Variants in MAST1 observed in about 807,000 individuals in gnomAD.
The protein encoded by MAST1 is microtubule associated serine/threonine kinase 1, also known as microtubule-associated serine/threonine-protein kinase 1.
A neutral mutation model predicts 124.6 loss-of-function variants in MAST1; 40 were observed. The ratio of observed to expected loss-of-function variants is 0.32; its 90% CI spans 0.25 to 0.42. MAST1 has a LOEUF of 0.42. MAST1 is among the 10% of genes least tolerant of loss of function. The probability of loss-of-function intolerance (pLI) is 1.00; values close to 1 mark genes in which losing one functional copy is unlikely to be tolerated. For synonymous variants in MAST1, 938 were observed against 939.4 expected (o/e 1.00, Z 0.03); for missense variants, 1,558 against 2,181.9 (o/e 0.71, Z 5.70).
At position 12,838,717 on chromosome 19, in the gene MAST1, A is replaced by G. The variant is rs1969790251; in HGVS notation, c.83+62A>G. 1 of 1,495,982 alleles carries G rather than the reference A, an allele frequency of 6.7e-7. No homozygotes were observed. The highest frequency in any genetic ancestry group is 9.2e-7 in the Non-Finnish European group (1 of 1,087,588). The allele number at this position is 1,495,982 out of a possible 1,614,324, so 92.7% of individuals were successfully genotyped here. A position where few individuals can be genotyped will look rare whatever the true frequency, so the allele number is the denominator to read the frequency against. Reference sequence around the variant, plus strand: ...CCCCGCAAAAGCCGCCGCTCCGGGTACTGCTGCAGGGCGGGGCCCGGGATG... The same window carrying G: ...CCCCGCAAAAGCCGCCGCTCCGGGTGCTGCTGCAGGGCGGGGCCCGGGATG... On this transcript the variant is annotated intron_variant, in intron 1 of 25. Coordinates refer to ENST00000251472, the MANE Select transcript of MAST1 (RefSeq NM_014975.3). This position sits in a 1 kb window ranked among gnomAD's most constrained non-coding sequence, Gnocchi z 4.3.
chr19:12,845,088 G>C (rs952295989), intron 4 of MAST1, among the ~76,000 whole-genome samples: 2 of 152,096 alleles, frequency 1.3e-5, no homozygotes, highest in African/African-American at 4.8e-5. Flanking sequence ...GATCATTTGA[G>C]GTCAGGAGTT....
At position 12,852,155 on chromosome 19, in the gene MAST1, C is replaced by T; in HGVS notation, c.917C>T (p.Ala306Val). 1 of 1,613,966 alleles carries T rather than the reference C, an allele frequency of 6.2e-7. No homozygotes were observed. Among genetic ancestry groups the T allele is most frequent in the Non-Finnish European group, 8.5e-7 (1 of 1,179,988 alleles). Residue 306 changes from alanine (A) to valine (V), a missense_variant, in exon 9 of 26, where the codon GCC becomes GTC. Coordinates refer to ENST00000251472, the MANE Select transcript of MAST1 (RefSeq NM_014975.3). The stretch of plus-strand genomic sequence containing the variant: ...GAGTTCTACCACCTGCTGGAGGCGG[C>T]CGAAGGACACGCCAAGGAGGGCCAC... ...PEEFYHLLEA[A>V]EGHAKEGHLV...
At chr19:12,844,404 G>T (rs1442982293) in intron 4 of MAST1, among the ~76,000 whole-genome samples, 1 of 152,186 alleles carries the variant, frequency 6.6e-6, no homozygotes, top group Non-Finnish European at 1.5e-5. Context: ...CTGCAAGCTG[G>T]GCCAGAGTGT....
Position 12,847,824 on chromosome 19 carries a change from G to C in MAST1, c.565-24G>C. ...CCGCAGCCTTCGGGCACAGCCCCGCGCCCCTCCTCCGTCCCTCCCGCAGGC... is the reference window on the plus strand; with the variant it reads ...CCGCAGCCTTCGGGCACAGCCCCGCCCCCCTCCTCCGTCCCTCCCGCAGGC... On this transcript the variant is annotated intron_variant, in intron 6 of 25. Coordinates refer to ENST00000251472, the MANE Select transcript of MAST1 (RefSeq NM_014975.3). The surrounding 1 kb of genome is among the most constrained non-coding windows in gnomAD (Gnocchi z 5.5). 6.3e-7 allele frequency: 1 copy of C among 1,596,510 alleles called. No homozygotes were observed. Among genetic ancestry groups the C allele is most frequent in the Non-Finnish European group, 8.5e-7 (1 of 1,171,146 alleles).
chr19:12,863,923 A>ACTT (rs1427700693), intron 12 of MAST1, among the ~76,000 whole-genome samples: 1 of 130,538 alleles, frequency 7.7e-6, no homozygotes, highest in East Asian at 2.8e-4. Flanking sequence ...TCTACAAAAA[A>ACTT]CTTTTTTTTT....
Position 12,838,792 on chromosome 19 carries a change from C to T in MAST1, c.83+137C>T. 1.8e-6 allele frequency: 1 copy of T among 551,038 alleles called. No homozygotes were observed. Among genetic ancestry groups the T allele is most frequent in the South Asian group, 2.5e-5 (1 of 40,494 alleles). The allele number at this position is 551,038 out of a possible 1,614,324, so 34.1% of individuals were successfully genotyped here. ...AGGTGCCCCAGCTGCGCCTTCCCGCCGGGGTTGGGGTTGAATGGGGGGTGG... is the reference window on the plus strand; with the variant it reads ...AGGTGCCCCAGCTGCGCCTTCCCGCTGGGGTTGGGGTTGAATGGGGGGTGG... On this transcript the variant is annotated intron_variant, in intron 1 of 25. Coordinates refer to ENST00000251472, the MANE Select transcript of MAST1 (RefSeq NM_014975.3). This position sits in a 1 kb window ranked among gnomAD's most constrained non-coding sequence, Gnocchi z 4.3.
intron 12 of MAST1, among the ~76,000 whole-genome samples, chr19:12,863,233 G>A (rs1002681345): frequency 3.3e-5 from 5 of 151,288 alleles, no homozygotes; most frequent in East Asian, 3.9e-4. Flanking sequence ...CTTGTGGAGA[G>A]AGCAGAATCA....
chr19:12,849,722 G>A (rs1218552200), intron 7 of MAST1, among the ~76,000 whole-genome samples: 2 of 152,010 alleles, frequency 1.3e-5, no homozygotes, highest in Admixed American at 6.6e-5. Context: ...CACACCTGCT[G>A]TCCCAGCTAC....
intron 1 of MAST1, 54 bp from the exon 2 acceptor site, chr19:12,840,392 A>G: frequency 1.7e-6 from 2 of 1,177,158 alleles, no homozygotes; most frequent in Non-Finnish European, 2.5e-6. Context: ...GTGGGGCTCA[A>G]GAACTCACTG....
At chr19:12,864,996 G>A (rs1261507073) in intron 13 of MAST1, 49 bp downstream of exon 13, 1 of 1,613,666 alleles carries the variant, frequency 6.2e-7, no homozygotes, top group Admixed American at 1.7e-5. Context: ...GGGAGGCCAG[G>A]AGGCAGAATG....
chr19:12,865,635 C>T lies in MAST1; in HGVS notation c.1805-82C>T. Reference sequence around the variant, plus strand: ...TGAGCCATGATCGTGCCACTGCACTCCAGCTGGGTGACACAGTGAGATCCT... The same window carrying T: ...TGAGCCATGATCGTGCCACTGCACTTCAGCTGGGTGACACAGTGAGATCCT... On this transcript the variant is annotated intron_variant, in intron 15 of 25. Transcript: ENST00000251472. The surrounding 1 kb of genome is among the most constrained non-coding windows in gnomAD (Gnocchi z 7.1). 1.4e-6 allele frequency: 2 copies of T among 1,453,274 alleles called. No homozygotes were observed. The highest frequency in any genetic ancestry group is 4.6e-5 in the East Asian group (2 of 43,786). The allele number at this position is 1,453,274 out of a possible 1,614,324, so 90.0% of individuals were successfully genotyped here.
At position 12,866,579 on chromosome 19, in the gene MAST1, G is replaced by C; in HGVS notation, c.2030-74G>C. On this transcript the variant is annotated intron_variant, in intron 17 of 25. Coordinates refer to ENST00000251472, the MANE Select transcript of MAST1 (RefSeq NM_014975.3). The surrounding 1 kb of genome is among the most constrained non-coding windows in gnomAD (Gnocchi z 5.2). Reference sequence around the variant, plus strand: ...GACTTGTAAACCCGTCTTGAACCAGGACTGGGCTCCTGTGGGGATGTGATA... The same window carrying C: ...GACTTGTAAACCCGTCTTGAACCAGCACTGGGCTCCTGTGGGGATGTGATA... 1.0e-6 allele frequency: 1 copy of C among 956,330 alleles called. No individual in the cohort carries two copies. Among genetic ancestry groups the C allele is most frequent in the Non-Finnish European group, 1.7e-6 (1 of 604,516 alleles). 59.2% of individuals were successfully genotyped at this position (956,330 alleles called of 1,614,324 possible).
chr19:12,861,283 T>G (rs1970079474), intron 12 of MAST1, among the ~76,000 whole-genome samples: 1 of 151,342 alleles, frequency 6.6e-6, no homozygotes, highest in Admixed American at 6.6e-5. Context: ...AGGCTGGTCT[T>G]GAACTCCTGA....
intron 24 of MAST1, 154 bp from the exon 25 acceptor site, chr19:12,873,170 C>G (rs1970259706): frequency 1.4e-6 from 1 of 700,256 alleles, no homozygotes; most frequent in Non-Finnish European, 2.4e-6. Flanking sequence ...CAGCACTGAG[C>G]TAAAGGAAGT....
At chr19:12,855,062 C>G (rs532830741) in intron 10 of MAST1, among the ~76,000 whole-genome samples, 2 of 152,090 alleles carry the variant, frequency 1.3e-5, no homozygotes, top group South Asian at 4.1e-4. Context: ...GAAACCCTGT[C>G]TCTACTAAAA....
At chr19:12,855,762 A>T (rs898206970) in intron 10 of MAST1, among the ~76,000 whole-genome samples, 1 of 152,186 alleles carries the variant, frequency 6.6e-6, no homozygotes. Context: ...AAAACTCTAA[A>T]AAAAGGTATT....
chr19:12,860,446 C>CTTTTTTT (rs397956908), intron 12 of MAST1, among the ~76,000 whole-genome samples: 1 of 116,558 alleles, frequency 8.6e-6, no homozygotes, highest in Non-Finnish European at 1.7e-5. Context: ...TTCTTTCTTT[C>CTTTTTTT]TTTTTTTTTT....
At chr19:12,850,860 G>A (rs1969951011) in intron 7 of MAST1, among the ~76,000 whole-genome samples, 1 of 151,858 alleles carries the variant, frequency 6.6e-6, no homozygotes, top group South Asian at 2.1e-4. Context: ...CACCACATCT[G>A]GCTTAAATTT....
In MAST1 at chr19:12,870,950, A is replaced by G; in HGVS notation, c.3126+4A>G. The G allele has an allele frequency of 6.2e-7, 1 of 1,608,290 alleles. No homozygotes were observed. Among genetic ancestry groups the G allele is most frequent in the South Asian group, 1.1e-5 (1 of 90,974 alleles). On this transcript the variant is annotated splice_donor_region_variant and intron_variant, in intron 23 of 25. Coordinates refer to ENST00000251472, the MANE Select transcript of MAST1 (RefSeq NM_014975.3). ...GGTCGTGGAGCTGATCCTTAAGGTG[A>G]GTGCAGGGAAGGAGGCACCCTGGGC...
Sources: gnomAD v4.1 joint callset for allele counts (sites outside exome capture counted in the v4.1 genomes callset) on GRCh38, gnomAD v4.1.1 for gene constraint, Gnocchi (gnomAD v3.1) non-coding constraint, MANE v1.5 for transcripts, NCBI Gene and HGNC (gene_info 2026-07-23, HGNC 2026-07-21) for gene names.